The following ACACB variants were observed in gnomAD, a reference collection of about 807,000 sequenced individuals.
ACACB encodes the protein acetyl-CoA carboxylase 2.
A neutral mutation model predicts 278.8 loss-of-function variants in ACACB; 209 were observed. The observed-to-expected ratio is 0.75, with a 90% confidence interval of 0.67 to 0.84. The LOEUF (loss-of-function observed/expected upper bound fraction) is 0.84. Ranked by LOEUF, ACACB falls within the 40% of genes least tolerant of loss-of-function variation. The pLI, the probability that ACACB is intolerant of heterozygous loss-of-function variation, is 0.00. For synonymous variants in ACACB, 1,174 were observed against 1,285.6 expected (o/e 0.91, Z 1.86); for missense variants, 2,850 against 3,269.0 (o/e 0.87, Z 3.13).
At chr12:109,117,108 C>T (rs1481083897) in intron 1 of ACACB, among the ~76,000 whole-genome samples, 1 of 147,220 alleles carries the variant, frequency 6.8e-6, no homozygotes. Flanking sequence ...CTCATGCCAC[C>T]CAGCACCTTG....
At chr12:109,247,001 C>G (rs997308101) in intron 39 of ACACB, among the ~76,000 whole-genome samples, 1 of 152,038 alleles carries the variant, frequency 6.6e-6, no homozygotes, top group Non-Finnish European at 1.5e-5. Flanking sequence ...TCACTTGGAG[C>G]CCAGGAGTTC....
intron 6 of ACACB, among the ~76,000 whole-genome samples, chr12:109,173,780 G>C (rs1274142574): frequency 6.6e-6 from 1 of 152,194 alleles, no homozygotes; most frequent in Admixed American, 6.5e-5. Flanking sequence ...GCTCTTTATA[G>C]AAAGAGTTTG....
At chr12:109,153,074 C>T (rs1050844245) in intron 2 of ACACB, among the ~76,000 whole-genome samples, 1 of 152,140 alleles carries the variant, frequency 6.6e-6, no homozygotes, top group Admixed American at 6.5e-5. Flanking sequence ...TAAACCTCTG[C>T]CTCGTGGGTT....
intron 48 of ACACB, among the ~76,000 whole-genome samples, chr12:109,261,999 C>T (rs2047391224): frequency 6.6e-6 from 1 of 151,920 alleles, no homozygotes; most frequent in African/African-American, 2.4e-5. Context: ...AGAAACAGTG[C>T]CCCTCCTCTA....
intron 12 of ACACB, among the ~76,000 whole-genome samples, chr12:109,187,201 G>A (rs2044692624): frequency 6.6e-6 from 1 of 151,990 alleles, no homozygotes; most frequent in African/African-American, 2.4e-5. Context: ...CCAACGAAAT[G>A]GCCTCTTCCC....
intron 2 of ACACB, among the ~76,000 whole-genome samples, chr12:109,148,682 C>G (rs1027212239): frequency 3.9e-5 from 6 of 152,102 alleles, no homozygotes; most frequent in African/African-American, 1.4e-4. Context: ...ACATATCAGG[C>G]CCTGGGAATT....
intron 12 of ACACB, 139 bp downstream of exon 12, chr12:109,185,879 A>C (rs989574915): frequency 2.5e-5 from 18 of 723,070 alleles, no homozygotes; most frequent in Non-Finnish European, 2.8e-5. Flanking sequence ...AGGCATGGGA[A>C]GGGACATCCC....
At position 109,223,828 on chromosome 12, in the gene ACACB, C is replaced by T. The variant is rs369724495; in HGVS notation, c.3806C>T (p.Ser1269Leu). Residue 1269 changes from serine (S) to leucine (L), a missense_variant, in exon 27 of 53, where the codon TCG (serine) becomes TTG (leucine). Physicochemically the swap from Ser to Leu is moderately radical, Grantham distance 145 (BLOSUM62 -2). Transcript: ENST00000338432. The part of the protein sequence containing the change: ...CPENLKKLIL[S>L]ETTIFDVLPT... ...CATTTCCCTTAGAAATTAATACTTTCGGAAACAACCATCTTCGACGTCCTG... is the reference window on the plus strand; with the variant it reads ...CATTTCCCTTAGAAATTAATACTTTTGGAAACAACCATCTTCGACGTCCTG... The T allele has an allele frequency of 1.3e-5, 21 of 1,613,574 alleles. No individual in the cohort carries two copies. Among genetic ancestry groups the T allele is most frequent in the South Asian group, 2.2e-5 (2 of 91,084 alleles).
At position 109,242,352 on chromosome 12, in the gene ACACB, A is replaced by G. The variant is rs568299052; in HGVS notation, c.5023-85A>G. The G allele has an allele frequency of 6.1e-6, 9 of 1,475,312 alleles. No individual in the cohort carries two copies. In the East Asian group the frequency reaches 1.4e-4, roughly 23 times the overall value. The allele number at this position is 1,475,312 out of a possible 1,614,324, so 91.4% of individuals were successfully genotyped here. ...GACATGCTTTGCTTCCCCCACCTGC[A>G]TTTTCATTGAGGACTGGGCAGAAAT... On this transcript the variant is annotated intron_variant, in intron 36 of 52. Transcript: ENST00000338432.
At chr12:109,194,625 T>G (rs2045047527) in intron 16 of ACACB, among the ~76,000 whole-genome samples, 2 of 150,104 alleles carry the variant, frequency 1.3e-5, no homozygotes, top group African/African-American at 4.9e-5. Context: ...TGTGTGTGTG[T>G]GTGTGTGTGT....
intron 33 of ACACB, 99 bp from the exon 34 acceptor site, chr12:109,237,066 C>T (rs1351294512): frequency 8.3e-7 from 1 of 1,208,620 alleles, no homozygotes; most frequent in Non-Finnish European, 1.2e-6. Flanking sequence ...CCATGGACAC[C>T]AGGGGTCTGC....
chr12:109,232,980 T>C (rs1048512383), intron 29 of ACACB, among the ~76,000 whole-genome samples, 174 bp downstream of exon 29: 2 of 152,288 alleles, frequency 1.3e-5, no homozygotes, highest in East Asian at 1.9e-4. Context: ...TGAGCCTACA[T>C]GTCAGCTTGC....
intron 14 of ACACB, 40 bp downstream of exon 14, chr12:109,191,803 G>A (rs1187371005): frequency 9.3e-6 from 15 of 1,614,010 alleles, no homozygotes; most frequent in East Asian, 2.2e-5. Flanking sequence ...CTGGATGGCC[G>A]AGACCTCGGC....
chr12:109,186,919 C>CTTA (rs2044682741), intron 12 of ACACB, among the ~76,000 whole-genome samples: 1 of 152,150 alleles, frequency 6.6e-6, no homozygotes, highest in Admixed American at 6.6e-5. Context: ...TCCTTCATCC[C>CTTA]TTAGTTCAGG....
intron 2 of ACACB, among the ~76,000 whole-genome samples, chr12:109,151,068 G>T (rs1022291126): frequency 6.8e-6 from 1 of 146,192 alleles, no homozygotes; most frequent in Non-Finnish European, 1.5e-5. Context: ...AACCTCTACC[G>T]CCCGGGTCCC....
intron 2 of ACACB, among the ~76,000 whole-genome samples, chr12:109,163,335 TATC>T (rs1299573220): frequency 3.9e-5 from 6 of 152,182 alleles, no homozygotes; most frequent in Non-Finnish European, 7.3e-5. Flanking sequence ...CTCTCATTAA[TATC>T]ATCGTTGAGG....
intron 28 of ACACB, 136 bp from the exon 29 acceptor site, chr12:109,232,532 TC>T: frequency 9.1e-7 from 1 of 1,098,944 alleles, no homozygotes. Context: ...CATTGTCTCA[TC>T]CCCTGCCCAT....
intron 39 of ACACB, among the ~76,000 whole-genome samples, chr12:109,247,157 C>T (rs145764291): frequency 1.1e-4 from 17 of 151,582 alleles, no homozygotes; most frequent in Non-Finnish European, 1.6e-4. Context: ...ATGAGGGAAG[C>T]GCACGCATTC....
rs2045707879 is a variant in ACACB at position 109,210,168 on chromosome 12, TATATATGTATATATACACAC to T, written c.3249+816_3249+835del. ...GTATATATACACACGTGTGTATATG[TATATATGTATATATACACAC>T]GTGTGTATATGTATATATGTATATA... On this transcript the variant is annotated intron_variant, in intron 21 of 52. Coordinates refer to ENST00000338432, the MANE Select transcript of ACACB (RefSeq NM_001093.4). 5.4e-5 allele frequency among the ~76,000 whole-genome samples: 3 copies of T among 55,458 alleles called. 1 individual carries two copies. The highest frequency in any genetic ancestry group is 1.1e-4 in the Non-Finnish European group (3 of 27,138). The allele number at this position is 55,458 out of a possible 152,430, so 36.4% of individuals were successfully genotyped here.
Sources: gnomAD v4.1 joint callset for allele counts (sites outside exome capture counted in the v4.1 genomes callset) on GRCh38, gnomAD v4.1.1 for gene constraint, MANE v1.5 for transcripts, NCBI Gene and HGNC (gene_info 2026-07-23, HGNC 2026-07-21) for gene names.